PHTF1: variants seen among roughly 807,000 people sequenced by gnomAD.
The protein encoded by PHTF1 is putative homeodomain transcription factor 1.
In PHTF1, 88 loss-of-function variants were observed where a neutral mutation model predicts 102.4. The observed-to-expected ratio is 0.86, with a 90% CI of 0.72 to 1.03. The LOEUF is 1.03. Among genes scored for constraint, PHTF1 ranks in the 50% least tolerant of loss-of-function variants. PHTF1 has a pLI of 0.00. For synonymous variants in PHTF1, 289 were observed against 305.2 expected (o/e 0.95, Z 0.55); for missense variants, 814 against 909.5 (o/e 0.89, Z 1.35).
chr1:113,727,078 T>C (rs1485243180), intron 5 of PHTF1, among the ~76,000 whole-genome samples: 1 of 151,968 alleles, frequency 6.6e-6, no homozygotes, highest in Non-Finnish European at 1.5e-5. Flanking sequence ...AATCAAAGCA[T>C]ATATATAAAA....
intron 5 of PHTF1, among the ~76,000 whole-genome samples, chr1:113,731,362 A>G (rs1288331006): frequency 1.3e-5 from 2 of 151,342 alleles, no homozygotes; most frequent in East Asian, 3.9e-4. Flanking sequence ...GCGAGAGCCC[A>G]TCTCTAAAAA....
At chr1:113,741,185 T>C (rs981360985) in intron 3 of PHTF1, among the ~76,000 whole-genome samples, 2 of 152,264 alleles carry the variant, frequency 1.3e-5, no homozygotes, top group African/African-American at 4.8e-5. Context: ...TATTGATCTT[T>C]AGCTTTGCTT....
chr1:113,743,356 G>A (rs1405945409), intron 3 of PHTF1, among the ~76,000 whole-genome samples: 1 of 151,614 alleles, frequency 6.6e-6, no homozygotes, highest in Non-Finnish European at 1.5e-5. Context: ...CCTACTGTAG[G>A]GTCTTCAGGG....
intron 3 of PHTF1, among the ~76,000 whole-genome samples, chr1:113,752,062 T>C (rs1390261929): frequency 2.6e-5 from 4 of 152,242 alleles, no homozygotes; most frequent in African/African-American, 9.6e-5. Flanking sequence ...TGCTGGAATT[T>C]TGAAGGGATT....
intron 3 of PHTF1, among the ~76,000 whole-genome samples, chr1:113,739,187 C>T (rs778084788): frequency 4.6e-5 from 7 of 152,172 alleles, no homozygotes; most frequent in Non-Finnish European, 5.9e-5. Context: ...AATAAACTTA[C>T]ATTTCTTTTT....
intron 7 of PHTF1, among the ~76,000 whole-genome samples, chr1:113,718,054 G>A (rs184574793): frequency 6.6e-6 from 1 of 152,118 alleles, no homozygotes; most frequent in East Asian, 1.9e-4. Context: ...CTGAAACAAG[G>A]CAAGTCCCTT....
chr1:113,757,518 C>A (rs1381796093), intron 3 of PHTF1, among the ~76,000 whole-genome samples, 181 bp downstream of exon 3: 1 of 152,190 alleles, frequency 6.6e-6, no homozygotes, highest in African/African-American at 2.4e-5. Context: ...TTCTGTTTTC[C>A]TGATAGTGAG....
At chr1:113,754,643 C>T (rs1000767591) in intron 3 of PHTF1, among the ~76,000 whole-genome samples, 1 of 152,072 alleles carries the variant, frequency 6.6e-6, no homozygotes, top group African/African-American at 2.4e-5. Flanking sequence ...TCAAACTAGA[C>T]ATTTTTTGTT....
chr1:113,731,989 G>A (rs1470916403), intron 5 of PHTF1, among the ~76,000 whole-genome samples: 1 of 151,212 alleles, frequency 6.6e-6, no homozygotes, highest in African/African-American at 2.4e-5. Context: ...TTGTAAAGAA[G>A]TCAAATTTTC....
At chr1:113,734,582 G>A (rs1299117019) in intron 5 of PHTF1, among the ~76,000 whole-genome samples, 2 of 152,312 alleles carry the variant, frequency 1.3e-5, no homozygotes, top group East Asian at 1.9e-4. Context: ...AGTATTAAAG[G>A]TGCAGCTTGG....
At chr1:113,711,352 A>G (rs1449161188) in intron 10 of PHTF1, among the ~76,000 whole-genome samples, 1 of 152,216 alleles carries the variant, frequency 6.6e-6, no homozygotes, top group Non-Finnish European at 1.5e-5. Context: ...ATAATATAAT[A>G]TGCCCTTTAG....
At chr1:113,708,043 G>A (rs909429635) in intron 11 of PHTF1, among the ~76,000 whole-genome samples, 6 of 152,122 alleles carry the variant, frequency 3.9e-5, no homozygotes, top group African/African-American at 1.4e-4. Context: ...AGGAGGGAGG[G>A]AATGGTCAGA....
chr1:113,711,685 AGGAAT>A lies in PHTF1; in HGVS notation c.1047+56_1047+60del, dbSNP rs1349491833. 2.7e-5 allele frequency: 35 copies of A among 1,275,784 alleles called. No individual in the cohort carries two copies. In the Middle Eastern group the frequency reaches 2.1e-3, roughly 78 times the overall value. The allele number at this position is 1,275,784 out of a possible 1,614,324, so 79.0% of individuals were successfully genotyped here. A position where few individuals can be genotyped will look rare whatever the true frequency, so the allele number is the denominator to read the frequency against. ...CTACTTTAGGGCAACCAATAAAAAAAGGAATGGATAAAGTTATTACCCTCAAAAAT... is the reference window on the plus strand; with the variant it reads ...CTACTTTAGGGCAACCAATAAAAAAAGGATAAAGTTATTACCCTCAAAAAT... On this transcript the variant is annotated intron_variant, in intron 10 of 18. Transcript: ENST00000369604.
intron 1 of PHTF1, 61 bp downstream of exon 1, chr1:113,758,962 G>C (rs1022325523): frequency 3.1e-5 from 35 of 1,124,762 alleles, no homozygotes; most frequent in Admixed American, 3.0e-4. Context: ...GGGAGGGGCA[G>C]GGGCCGCCGC....
intron 4 of PHTF1, 72 bp downstream of exon 4, chr1:113,738,658 G>T: frequency 1.1e-6 from 1 of 877,092 alleles, no homozygotes; most frequent in South Asian, 1.5e-5. Flanking sequence ...ATCATATAGA[G>T]AAGATATTGA....
intron 5 of PHTF1, among the ~76,000 whole-genome samples, chr1:113,733,328 G>A (rs1654996639): frequency 6.6e-6 from 1 of 151,848 alleles, no homozygotes; most frequent in Non-Finnish European, 1.5e-5. Flanking sequence ...AGCCTTAAAT[G>A]TCCACATTCT....
intron 10 of PHTF1, 52 bp downstream of exon 10, chr1:113,711,694 T>C (rs1651111701): frequency 7.2e-7 from 1 of 1,379,806 alleles, no homozygotes; most frequent in Non-Finnish European, 1.0e-6. Context: ...AAGGAATGGA[T>C]AAAGTTATTA....
At chr1:113,750,632 G>A (rs1342391180) in intron 3 of PHTF1, among the ~76,000 whole-genome samples, 2 of 152,054 alleles carry the variant, frequency 1.3e-5, no homozygotes, top group Non-Finnish European at 2.9e-5. Flanking sequence ...GCCAAGGCAG[G>A]CAGATCATGA....
chr1:113,709,481 T>C (rs1344862365), intron 11 of PHTF1, among the ~76,000 whole-genome samples: 1 of 152,190 alleles, frequency 6.6e-6, no homozygotes, highest in African/African-American at 2.4e-5. Flanking sequence ...ATTAAGCAAC[T>C]GAAAGGTTGA....
Sources: allele counts gnomAD v4.1 joint callset (sites outside exome capture counted in the v4.1 genomes callset), GRCh38; gene constraint gnomAD v4.1.1; transcripts MANE v1.5; gene names NCBI Gene and HGNC (gene_info 2026-07-23, HGNC 2026-07-21).